Variants in MED26 observed in about 807,000 individuals in gnomAD.
MED26 encodes the protein mediator complex subunit 26.
Under a neutral mutation model 43.7 loss-of-function variants are expected in MED26, and 7 were observed. The ratio of observed to expected loss-of-function variants is 0.16; its 90% CI spans 0.09 to 0.30. The LOEUF is 0.30. MED26 is among the 10% of genes least tolerant of loss of function. The pLI, the probability that MED26 is intolerant of heterozygous loss-of-function variation, is 1.00. For missense variants in MED26, 784 were observed against 840.6 expected, an observed-to-expected ratio of 0.93 and a Z score of 0.83; for synonymous variants, 375 against 371.1, an observed-to-expected ratio of 1.01 and a Z score of -0.12.
At chr19:16,606,199 C>A (rs2086172489) in intron 1 of MED26, among the ~76,000 whole-genome samples, 1 of 152,236 alleles carries the variant, frequency 6.6e-6, no homozygotes, top group East Asian at 1.9e-4. Flanking sequence ...ACTCTTGAAT[C>A]TCAGGAGACT....
intron 1 of MED26, among the ~76,000 whole-genome samples, chr19:16,579,115 TA>T (rs1443121027): frequency 1.3e-5 from 2 of 151,690 alleles, no homozygotes; most frequent in Non-Finnish European, 2.9e-5. Context: ...ATAATAATAA[TA>T]ATAATAATGA....
intron 1 of MED26, among the ~76,000 whole-genome samples, chr19:16,602,027 G>A (rs2086152065): frequency 6.6e-6 from 1 of 152,224 alleles, no homozygotes; most frequent in Admixed American, 6.5e-5. Flanking sequence ...ACTCGGCTGT[G>A]TGCCTGCAGG....
chr19:16,625,712 T>G (rs1340698921), intron 1 of MED26, among the ~76,000 whole-genome samples: 1 of 152,318 alleles, frequency 6.6e-6, no homozygotes, highest in East Asian at 1.9e-4. Context: ...GCAGACGCAC[T>G]GACATGCCCG....
At chr19:16,617,959 GCTTA>G (rs1429187431) in intron 1 of MED26, among the ~76,000 whole-genome samples, 1 of 152,308 alleles carries the variant, frequency 6.6e-6, no homozygotes, top group Admixed American at 6.5e-5. Flanking sequence ...AACATCAGGT[GCTTA>G]CTGAGAGCCC....
At chr19:16,626,510 T>C (rs1425230781) in intron 1 of MED26, among the ~76,000 whole-genome samples, 2 of 152,180 alleles carry the variant, frequency 1.3e-5, no homozygotes, top group Non-Finnish European at 2.9e-5. Context: ...GGGACCTGAA[T>C]ACCAGGGATA....
chr19:16,577,850 G>T lies in MED26; in HGVS notation c.148-168C>A. 2 of 568,512 alleles carry T rather than the reference G, an allele frequency of 3.5e-6. No individual in the cohort carries two copies. Among genetic ancestry groups the T allele is most frequent in the Non-Finnish European group, 6.1e-6 (2 of 329,642 alleles). 35.2% of individuals were successfully genotyped at this position (568,512 alleles called of 1,614,324 possible). A position where few individuals can be genotyped will look rare whatever the true frequency, so the allele number is the denominator to read the frequency against. ...CTTCTGGGGATTTCCGGTCCTTTGT[G>T]ACAATATAAATTCTCAAACCTAGTT... On this transcript the variant is annotated intron_variant, in intron 2 of 2. Coordinates refer to ENST00000263390, the MANE Select transcript of MED26 (RefSeq NM_004831.5). This position sits in a 1 kb window ranked among gnomAD's most constrained non-coding sequence, Gnocchi z 8.1.
chr19:16,623,234 C>T (rs903107620), intron 1 of MED26, among the ~76,000 whole-genome samples: 8 of 152,110 alleles, frequency 5.3e-5, no homozygotes, highest in African/African-American at 1.4e-4. Flanking sequence ...TTCCATTTCC[C>T]GAAGTCAGAG....
At chr19:16,578,580 A>C (rs893415645) in intron 1 of MED26, 171 bp from the exon 2 acceptor site, 1 of 618,174 alleles carries the variant, frequency 1.6e-6, no homozygotes, top group Non-Finnish European at 2.8e-6. Flanking sequence ...CCAACCTGGC[A>C]CCCAGTGCTC....
chr19:16,585,221 C>T lies in MED26; in HGVS notation c.73-6812G>A, dbSNP rs752282795. 7.9e-5 allele frequency among the ~76,000 whole-genome samples: 12 copies of T among 152,182 alleles called. 1 individual carries two copies. Among genetic ancestry groups the T allele is most frequent in the Non-Finnish European group, 1.6e-4 (11 of 68,024 alleles). ...GGGGAGCTCTGAGTACCCATGCCAGCTGTCCATCCCGGTCCGACTCTCAGG... is the reference window on the plus strand; with the variant it reads ...GGGGAGCTCTGAGTACCCATGCCAGTTGTCCATCCCGGTCCGACTCTCAGG... On this transcript the variant is annotated intron_variant, in intron 1 of 2. Transcript: ENST00000263390.
chr19:16,575,906 T>G lies in MED26; in HGVS notation c.*121A>C. 1 of 665,152 alleles carries G rather than the reference T, an allele frequency of 1.5e-6. No homozygotes were observed. Among genetic ancestry groups the G allele is most frequent in the Non-Finnish European group, 2.4e-6 (1 of 411,664 alleles). The allele number at this position is 665,152 out of a possible 1,614,324, so 41.2% of individuals were successfully genotyped here. On this transcript the variant is annotated 3_prime_UTR_variant, in exon 3 of 3. Transcript: ENST00000263390. ...TGACTCCCGCCCCCTCCCTCCCGCC[T>G]GGGCCGGACTCCCCGAGTTCCCAGC... is the stretch of plus-strand genomic sequence containing the variant.
At chr19:16,604,597 G>A (rs1474503430) in intron 1 of MED26, among the ~76,000 whole-genome samples, 2 of 152,206 alleles carry the variant, frequency 1.3e-5, no homozygotes, top group African/African-American at 4.8e-5. Context: ...CATTCTGCAT[G>A]GGGAAGGCTG....
intron 1 of MED26, among the ~76,000 whole-genome samples, chr19:16,582,616 G>A (rs2086051439): frequency 6.6e-6 from 1 of 152,172 alleles, no homozygotes; most frequent in Non-Finnish European, 1.5e-5. Flanking sequence ...ACCAGGACTC[G>A]TATGTGGCTG....
intron 1 of MED26, chr19:16,612,156 C>T (rs991123176): frequency 6.6e-6 from 1 of 152,218 alleles, no homozygotes; most frequent in African/African-American, 2.4e-5. Flanking sequence ...AACATCCAGT[C>T]TTGATTACCC....
chr19:16,580,029 C>A (rs543712387), intron 1 of MED26, among the ~76,000 whole-genome samples: 1 of 152,134 alleles, frequency 6.6e-6, no homozygotes, highest in African/African-American at 2.4e-5. Flanking sequence ...ACTTTCCGTC[C>A]GCCATTACAA....
At chr19:16,582,913 A>T (rs1425893973) in intron 1 of MED26, among the ~76,000 whole-genome samples, 3 of 152,218 alleles carry the variant, frequency 2.0e-5, no homozygotes, top group Non-Finnish European at 4.4e-5. Context: ...CAGACCCAAA[A>T]GACCCAAGGT....
At position 16,586,525 on chromosome 19, in the gene MED26, C is replaced by G. The variant is rs969472145; in HGVS notation, c.73-8116G>C. On this transcript the variant is annotated intron_variant, in intron 1 of 2. Transcript: ENST00000263390. This position sits in a 1 kb window ranked among gnomAD's most constrained non-coding sequence, Gnocchi z 5.1. ...TTACAAACAGTTCCTTGAACCCACACAGGGCCACCTCCACGGTCTCCGTGT... is the reference window on the plus strand; with the variant it reads ...TTACAAACAGTTCCTTGAACCCACAGAGGGCCACCTCCACGGTCTCCGTGT... Among the ~76,000 whole-genome samples, 2 of 152,388 alleles carry G rather than the reference C, an allele frequency of 1.3e-5. No individual in the cohort carries two copies. Among genetic ancestry groups the G allele is most frequent in the African/African-American group, 4.8e-5 (2 of 41,592 alleles).
chr19:16,609,311 CAAAAAAAA>C (rs777358965), intron 1 of MED26, among the ~76,000 whole-genome samples: 7 of 25,064 alleles, frequency 2.8e-4, no homozygotes, highest in South Asian at 2.2e-3. Context: ...GACTCCGTCT[CAAAAAAAA>C]AAAAAAAAAA....
In MED26 at chr19:16,575,911, C is replaced by G. The variant is rs573156860; in HGVS notation, c.*116G>C. The G allele has an allele frequency of 8.9e-6, 8 of 900,626 alleles. No homozygotes were observed. The highest frequency in any genetic ancestry group is 7.9e-5 in the Admixed American group (3 of 38,082). 55.8% of individuals were successfully genotyped at this position (900,626 alleles called of 1,614,324 possible). A position where few individuals can be genotyped will look rare whatever the true frequency, so the allele number is the denominator to read the frequency against. On this transcript the variant is annotated 3_prime_UTR_variant, in exon 3 of 3. Coordinates refer to ENST00000263390, the MANE Select transcript of MED26 (RefSeq NM_004831.5). ...CCCGCCCCCTCCCTCCCGCCTGGGC[C>G]GGACTCCCCGAGTTCCCAGCGCAGG...
At chr19:16,597,076 C>G (rs1284051443) in intron 1 of MED26, among the ~76,000 whole-genome samples, 3 of 152,210 alleles carry the variant, frequency 2.0e-5, no homozygotes, top group African/African-American at 7.2e-5. Context: ...AACACCAAGC[C>G]TGAGCCCGAG....
Sources: gnomAD v4.1 joint callset for allele counts (sites outside exome capture counted in the v4.1 genomes callset) on GRCh38, gnomAD v4.1.1 for gene constraint, Gnocchi (gnomAD v3.1) non-coding constraint, MANE v1.5 for transcripts, NCBI Gene and HGNC (gene_info 2026-07-23, HGNC 2026-07-21) for gene names.